Variants in ZNF177 observed in about 807,000 individuals in gnomAD.
ZNF177 encodes the protein zinc finger protein 177.
Under a neutral mutation model 19.4 loss-of-function variants are expected in ZNF177, and 17 were observed. That is an observed-to-expected ratio of 0.87 (90% CI 0.60 to 1.31). The LOEUF (loss-of-function observed/expected upper bound fraction) is 1.31, where lower values mean the gene tolerates loss of function less well. ZNF177 is among the 40% of genes most tolerant of loss of function. ZNF177 has a pLI of 0.00. For synonymous variants in ZNF177, 220 were observed against 188.7 expected (o/e 1.17, Z -1.36); for missense variants, 633 against 561.8 (o/e 1.13, Z -1.28).
intron 1 of ZNF177, among the ~76,000 whole-genome samples, chr19:9,363,671 G>A (rs1201593233): frequency 6.6e-6 from 1 of 152,176 alleles, no homozygotes; most frequent in Non-Finnish European, 1.5e-5. Context: ...CCCTCTATGG[G>A]ACTTGTGCTT....
upstream of ZNF177, among the ~76,000 whole-genome samples, chr19:9,375,200 G>T (rs889963671): frequency 9.9e-5 from 15 of 152,202 alleles, no homozygotes; most frequent in African/African-American, 3.6e-4. Context: ...CTTGATCATG[G>T]TGTATGGTCC....
intron 2 of ZNF177, among the ~76,000 whole-genome samples, chr19:9,368,948 A>T (rs966764730): frequency 6.6e-6 from 1 of 152,168 alleles, no homozygotes; most frequent in Non-Finnish European, 1.5e-5. Flanking sequence ...ACATGTTTGT[A>T]TACCAAATCT....
At chr19:9,373,795 A>C (rs1395200104), upstream of ZNF177, among the ~76,000 whole-genome samples, 1 of 151,908 alleles carries the variant, frequency 6.6e-6, no homozygotes, top group Non-Finnish European at 1.5e-5. Flanking sequence ...ATTTTTTTCT[A>C]TCGAACTGTA....
At chr19:9,381,512 A>C (rs199669997) in exon 6 of ZNF177, 502 of 1,614,108 alleles carry the variant, frequency 3.1e-4, no homozygotes, top group Non-Finnish European at 3.9e-4. Context: ...ACTGGAGAGA[A>C]GCCTTATGAG....
rs2068153234 is a variant in ZNF177 at position 9,379,155 on chromosome 19, A to G, written c.160+67A>G. On this transcript the variant is annotated intron_variant, in intron 3 of 5. Transcript: ENST00000589262. ...AGTTCTTAAGCACATATTATGTTCC[A>G]GAATCTGTGGAAAGAATAGCAATAC... is the stretch of plus-strand genomic sequence containing the variant. 4.0e-6 allele frequency: 6 copies of G among 1,513,910 alleles called. No homozygotes were observed. In the Admixed American group the frequency reaches 6.1e-5, roughly 15 times the overall value. 93.8% of individuals were successfully genotyped at this position (1,513,910 alleles called of 1,614,324 possible).
chr19:9,381,877 C>T, exon 6 of ZNF177: 1 of 1,492,600 alleles, frequency 6.7e-7, no homozygotes, highest in Non-Finnish European at 8.9e-7. Context: ...AAACAGCCTT[C>T]TGGCCCAACT....
At chr19:9,374,694 T>C (rs571017401), upstream of ZNF177, among the ~76,000 whole-genome samples, 4 of 104,234 alleles carry the variant, frequency 3.8e-5, no homozygotes, top group Admixed American at 2.8e-4. Context: ...ATTTAATTTT[T>C]GTATGTTGAT....
chr19:9,373,660 A>G (rs1395227949), upstream of ZNF177, among the ~76,000 whole-genome samples: 1 of 152,196 alleles, frequency 6.6e-6, no homozygotes, highest in East Asian at 1.9e-4. Flanking sequence ...GTAGCAGCCA[A>G]CTATGGTTTT....
At chr19:9,382,338 G>A, downstream of ZNF177, 1 of 398,830 alleles carries the variant, frequency 2.5e-6, no homozygotes, top group Non-Finnish European at 4.4e-6. Context: ...CTCATCTGGT[G>A]TTTTTTTCTT....
At chr19:9,366,133 C>T (rs2067976151) in intron 2 of ZNF177, among the ~76,000 whole-genome samples, 1 of 152,146 alleles carries the variant, frequency 6.6e-6, no homozygotes, top group South Asian at 2.1e-4. Context: ...CAGGCATGCT[C>T]CACCACACCC....
At chr19:9,378,373 AGCACACTGCCATT>A in intron 2 of ZNF177, 29 bp downstream of exon 4, 1 of 1,613,250 alleles carries the variant, frequency 6.2e-7, no homozygotes, top group Non-Finnish European at 8.5e-7. Context: ...TATTTCCAAA[AGCACACTGCCATT>A]CCTGAAAAGA....
At chr19:9,375,200 G>GTGT (rs1488752564), upstream of ZNF177, among the ~76,000 whole-genome samples, 1 of 152,084 alleles carries the variant, frequency 6.6e-6, no homozygotes, top group Non-Finnish European at 1.5e-5. Flanking sequence ...CTTGATCATG[G>GTGT]TGTATGGTCC....
At chr19:9,374,427 A>G (rs1485038231), upstream of ZNF177, among the ~76,000 whole-genome samples, 6 of 152,184 alleles carry the variant, frequency 3.9e-5, no homozygotes, top group Non-Finnish European at 7.4e-5. Flanking sequence ...AAAAAATATC[A>G]TTGGAATTTC....
exon 6 of ZNF177, chr19:9,381,706 A>G: frequency 1.9e-6 from 3 of 1,614,168 alleles, no homozygotes; most frequent in Non-Finnish European, 2.5e-6. Context: ...TCAGTGTGAA[A>G]AAGCCTTTAG....
intron 1 of ZNF177, 190 bp downstream of exon 1, chr19:9,363,274 A>G (rs1568378940): frequency 6.6e-6 from 1 of 152,216 alleles, no homozygotes; most frequent in Non-Finnish European, 1.5e-5. Flanking sequence ...CATTCCGGGC[A>G]TTGGTTCCCG....
At chr19:9,377,306 C>T (rs1320595406) in intron 1 of ZNF177, among the ~76,000 whole-genome samples, 1 of 151,890 alleles carries the variant, frequency 6.6e-6, no homozygotes, top group Admixed American at 6.6e-5. Flanking sequence ...AATAAGTGAC[C>T]ACATTACTGG....
intron 2 of ZNF177, among the ~76,000 whole-genome samples, chr19:9,371,184 C>T (rs1047085898): frequency 1.6e-4 from 24 of 152,236 alleles, no homozygotes; most frequent in Middle Eastern, 3.4e-3. Context: ...ACTCCATTAT[C>T]CCACCTAACA....
At chr19:9,366,536 C>A (rs1228311219) in intron 2 of ZNF177, among the ~76,000 whole-genome samples, 3 of 152,168 alleles carry the variant, frequency 2.0e-5, no homozygotes, top group Non-Finnish European at 2.9e-5. Context: ...GGATTACAGG[C>A]ATGAGTCACC....
In ZNF177 at chr19:9,379,017, T is replaced by A. The variant is rs2068150989; in HGVS notation, c.89T>A (p.Leu30Ter). The change falls in exon 3 of 6, where the codon TTG becomes TAG. Residue 30 changes from leucine (L) to a stop codon, truncating the protein, a stop_gained. Coordinates refer to ENST00000589262, the Ensembl canonical transcript of ZNF177. LOFTEE classifies it high-confidence loss of function. ...GACTTTTCCCAGGAGGAGTGGGCAT[T>A]GCTGGACCCTGCTCAAAAAAATCTA... 1 of 1,611,382 alleles carries A rather than the reference T, an allele frequency of 6.2e-7. No individual in the cohort carries two copies. The highest frequency in any genetic ancestry group is 1.3e-5 in the African/African-American group (1 of 74,882).
Sources: allele counts gnomAD v4.1 joint callset (sites outside exome capture counted in the v4.1 genomes callset), GRCh38; gene constraint gnomAD v4.1.1; transcripts MANE v1.5; gene names NCBI Gene and HGNC (gene_info 2026-07-23, HGNC 2026-07-21).